MDFI: variants seen among roughly 807,000 people sequenced by gnomAD.
MDFI encodes inhibitor of MyoD family a.
MDFI carries 16 observed loss-of-function variants against 22.3 expected under a neutral mutation model. That is an observed-to-expected ratio of 0.72 (90% CI 0.49 to 1.09). The LOEUF is 1.09. Ranked by LOEUF, MDFI falls within the 50% of genes least tolerant of loss-of-function variation. The pLI is 0.00. For missense variants in MDFI, 314 were observed against 326.1 expected (o/e 0.96, Z 0.29); for synonymous variants, 145 against 142.7 (o/e 1.02, Z -0.12).
At chr6:41,637,753 C>T (rs1767693369), upstream of MDFI, among the ~76,000 whole-genome samples, 1 of 152,140 alleles carries the variant, frequency 6.6e-6, no homozygotes. This position sits in a 1 kb window ranked among gnomAD's most constrained non-coding sequence, Gnocchi z 6.8. Context: ...TCTTAGAAGC[C>T]CTCGGATTCA....
Position 41,638,570 on chromosome 6 carries a change from G to C in MDFI, c.-94G>C, listed in dbSNP as rs1581822365. On this transcript the variant is annotated 5_prime_UTR_variant, in exon 1 of 5. Coordinates refer to ENST00000230321, the MANE Select transcript of MDFI (RefSeq NM_005586.4). The surrounding 1 kb of genome is among the most constrained non-coding windows in gnomAD (Gnocchi z 7.6). ...GAGCACCCGGGAGCCAGCGGGACCT[G>C]GGCAGGGGCGCCCGGAGCAGGCGCG... The C allele has an allele frequency of 1.6e-6, 1 of 638,986 alleles. No individual in the cohort carries two copies. The highest frequency in any genetic ancestry group is 3.3e-5 in the East Asian group (1 of 30,180). The allele number at this position is 638,986 out of a possible 1,614,324, so 39.6% of individuals were successfully genotyped here. A position where few individuals can be genotyped will look rare whatever the true frequency, so the allele number is the denominator to read the frequency against.
Position 41,653,114 on chromosome 6 carries a change from G to T in MDFI, c.485-205G>T, listed in dbSNP as rs920903806. ...AGAGCAAGGATGATCCAGACTGCCC[G>T]CTCCGATGTGCTTAACTGTCTGTGC... On this transcript the variant is annotated intron_variant, in intron 4 of 4. Transcript: ENST00000230321. This position sits in a 1 kb window ranked among gnomAD's most constrained non-coding sequence, Gnocchi z 4.2. Among the ~76,000 whole-genome samples, 1 of 152,170 alleles carries T rather than the reference G, an allele frequency of 6.6e-6. No homozygotes were observed. The highest frequency in any genetic ancestry group is 2.4e-5 in the African/African-American group (1 of 41,432).
intron 4 of MDFI, among the ~76,000 whole-genome samples, chr6:41,651,817 T>C (rs2127436176): frequency 6.6e-6 from 1 of 152,228 alleles, no homozygotes; most frequent in East Asian, 1.9e-4. Context: ...AGGACGTGGG[T>C]TCTAGAGCCA....
intron 4 of MDFI, among the ~76,000 whole-genome samples, chr6:41,651,967 G>A (rs1188614821): frequency 6.6e-6 from 1 of 152,220 alleles, no homozygotes; most frequent in Non-Finnish European, 1.5e-5. Flanking sequence ...TGAACAAAAT[G>A]GGCAAAGATG....
chr6:41,637,898 C>CTGCTGCT (rs1767697171), upstream of MDFI, among the ~76,000 whole-genome samples: 10 of 152,310 alleles, frequency 6.6e-5, no homozygotes, highest in African/African-American at 2.2e-4. The surrounding 1 kb of genome is among the most constrained non-coding windows in gnomAD (Gnocchi z 6.8). Context: ...CGGCACAGGG[C>CTGCTGCT]AGGCTGGTTG....
chr6:41,644,916 T>G (rs1329402664), intron 2 of MDFI, among the ~76,000 whole-genome samples: 1 of 151,586 alleles, frequency 6.6e-6, no homozygotes, highest in Non-Finnish European at 1.5e-5. Flanking sequence ...TCTGCCCGTG[T>G]CCCCCTCTGT....
chr6:41,638,590 G>C lies in MDFI; in HGVS notation c.-74G>C. 1 of 809,608 alleles carries C rather than the reference G, an allele frequency of 1.2e-6. No homozygotes were observed. The highest frequency in any genetic ancestry group is 1.9e-6 in the Non-Finnish European group (1 of 539,836). 50.2% of individuals were successfully genotyped at this position (809,608 alleles called of 1,614,324 possible). The stretch of plus-strand genomic sequence containing the variant: ...GACCTGGGCAGGGGCGCCCGGAGCA[G>C]GCGCGCATGGCGGGCCCCGCGCGGG... On this transcript the variant is annotated 5_prime_UTR_variant, in exon 1 of 5. Transcript: ENST00000230321. This position sits in a 1 kb window ranked among gnomAD's most constrained non-coding sequence, Gnocchi z 7.6.
At position 41,646,140 on chromosome 6, in the gene MDFI, C is replaced by G. The variant is rs1236790291; in HGVS notation, c.91C>G (p.Leu31Val). Residue 31 changes from leucine to valine, a missense_variant, in exon 3 of 5, where the codon CTC becomes GTC. By Grantham distance (32) the Leu-to-Val change is conservative (BLOSUM62 1). Coordinates refer to ENST00000230321, the MANE Select transcript of MDFI (RefSeq NM_005586.4). ...TTTTTTCCTAGCCCAGACCCTATCC[C>G]TCCTTCCTGGGCTGGAGGTAGTAAC... Reference protein sequence around the residue: ...AAPGPAQTLSLLPGLEVVTGS... With the variant: ...AAPGPAQTLSVLPGLEVVTGS... 1 of 1,533,086 alleles carries G rather than the reference C, an allele frequency of 6.5e-7. No individual in the cohort carries two copies. Among genetic ancestry groups the G allele is most frequent in the African/African-American group, 1.4e-5 (1 of 71,522 alleles). The allele number at this position is 1,533,086 out of a possible 1,614,324, so 95.0% of individuals were successfully genotyped here.
At chr6:41,648,701 A>G (rs1768147222) in intron 3 of MDFI, among the ~76,000 whole-genome samples, 1 of 152,134 alleles carries the variant, frequency 6.6e-6, no homozygotes, top group Non-Finnish European at 1.5e-5. Flanking sequence ...CAGAGCTCTC[A>G]GTGACCCCTC....
intron 2 of MDFI, among the ~76,000 whole-genome samples, chr6:41,642,334 A>C (rs1400162666): frequency 6.6e-6 from 1 of 151,944 alleles, no homozygotes; most frequent in Non-Finnish European, 1.5e-5. Context: ...GGCCTCCTTC[A>C]CCTTTGCTGG....
intron 2 of MDFI, among the ~76,000 whole-genome samples, chr6:41,643,580 G>GGAAGGAAGGAAGGAA (rs1561829712): frequency 2.6e-4 from 11 of 43,054 alleles, no homozygotes; most frequent in East Asian, 4.2e-4. Context: ...GAAGGAAGGA[G>GGAAGGAAGGAAGGAA]GGAGGGAGGG....
rs368785746 is a variant in MDFI, at chr6:41,639,862, C to G, written c.76+1037C>G. 3 of 985,302 alleles carry G rather than the reference C, an allele frequency of 3.0e-6. No individual in the cohort carries two copies. In the African/African-American group the frequency reaches 5.2e-5, roughly 17 times the overall value. The allele number at this position is 985,302 out of a possible 1,614,324, so 61.0% of individuals were successfully genotyped here. A position where few individuals can be genotyped will look rare whatever the true frequency, so the allele number is the denominator to read the frequency against. The stretch of plus-strand genomic sequence containing the variant: ...CTCTGGCCTGAGCCTCCACATGCGC[C>G]CTCGAAGCCGGCCTGCCTGCCTGTT... On this transcript the variant is annotated intron_variant, in intron 2 of 4. Transcript: ENST00000230321.
Position 41,653,298 on chromosome 6 carries a change from C to T in MDFI, c.485-21C>T. The T allele has an allele frequency of 3.7e-6, 6 of 1,603,910 alleles. No individual in the cohort carries two copies. The highest frequency in any genetic ancestry group is 1.7e-4 in the Middle Eastern group (1 of 6,034). ...TCCCTCCCCTCTCTCACCCGTCCCC[C>T]TCTCCACCGCCACCCCGCAGACTGC... On this transcript the variant is annotated intron_variant, in intron 4 of 4. Coordinates refer to ENST00000230321, the MANE Select transcript of MDFI (RefSeq NM_005586.4). The surrounding 1 kb of genome is among the most constrained non-coding windows in gnomAD (Gnocchi z 4.2).
chr6:41,653,241 C>T lies in MDFI; in HGVS notation c.485-78C>T, dbSNP rs1425583578. On this transcript the variant is annotated intron_variant, in intron 4 of 4. Transcript: ENST00000230321. The surrounding 1 kb of genome is among the most constrained non-coding windows in gnomAD (Gnocchi z 4.2). ...CCCTGCTGCTGCCGCTGCCGCAGGC[C>T]CCCACACCCCCGGCTATTTCACACA... 53 of 1,484,940 alleles carry T rather than the reference C, an allele frequency of 3.6e-5. No homozygotes were observed. The highest frequency in any genetic ancestry group is 4.2e-5 in the Non-Finnish European group (46 of 1,084,730). The allele number at this position is 1,484,940 out of a possible 1,614,324, so 92.0% of individuals were successfully genotyped here.
In MDFI at chr6:41,649,682, C is replaced by T; in HGVS notation, c.323C>T (p.Ser108Leu). The change falls in exon 4 of 5, where the codon TCA becomes TTA. Residue 108 changes from serine (S) to leucine (L), a missense_variant. Transcript: ENST00000230321. ...PLLPNDSGHP[S>L]ELGGTRRAGN... The stretch of plus-strand genomic sequence containing the variant: ...CTGCCGAATGACTCTGGCCACCCCT[C>T]AGAGCTGGGCGGCACCAGACGGGCG... 1.2e-6 allele frequency: 2 copies of T among 1,613,758 alleles called. No homozygotes were observed. Among genetic ancestry groups the T allele is most frequent in the Non-Finnish European group, 1.7e-6 (2 of 1,179,852 alleles).
rs1403988299 is a variant in MDFI at position 41,638,725 on chromosome 6, C to T, written c.-11-14C>T. The T allele has an allele frequency of 6.4e-7, 1 of 1,552,932 alleles. No individual in the cohort carries two copies. On this transcript the variant is annotated splice_polypyrimidine_tract_variant and intron_variant, in intron 1 of 4. Transcript: ENST00000230321. This position sits in a 1 kb window ranked among gnomAD's most constrained non-coding sequence, Gnocchi z 7.6. Reference sequence around the variant, plus strand: ...CCGCCTCCGGCGCCGCCCGCTGAGCCCTGTTTTCCGCAGGTCCGGGGCCGA... The same window carrying T: ...CCGCCTCCGGCGCCGCCCGCTGAGCTCTGTTTTCCGCAGGTCCGGGGCCGA...
At chr6:41,645,074 A>G (rs1313508940) in intron 2 of MDFI, among the ~76,000 whole-genome samples, 2 of 151,658 alleles carry the variant, frequency 1.3e-5, no homozygotes, top group African/African-American at 2.4e-5. Flanking sequence ...TTCTCCCAAC[A>G]TGATATTTGG....
chr6:41,647,608 C>G (rs76078245), intron 3 of MDFI, among the ~76,000 whole-genome samples: 2 of 152,040 alleles, frequency 1.3e-5, no homozygotes, highest in East Asian at 3.9e-4. Context: ...CCCCCGATCC[C>G]CCACCTTGTC....
At chr6:41,651,236 A>G (rs1768260354) in intron 4 of MDFI, among the ~76,000 whole-genome samples, 1 of 149,432 alleles carries the variant, frequency 6.7e-6, no homozygotes, top group South Asian at 2.2e-4. Context: ...AACCTGGTTC[A>G]TGACCTCATA....
Sources: allele counts gnomAD v4.1 joint callset (sites outside exome capture counted in the v4.1 genomes callset), GRCh38; gene constraint gnomAD v4.1.1; non-coding constraint Gnocchi (gnomAD v3.1); transcripts MANE v1.5; gene names NCBI Gene and HGNC (gene_info 2026-07-23, HGNC 2026-07-21).